Variants in INTS15 observed in about 807,000 individuals in gnomAD.
INTS15 encodes integrator complex subunit 15, also known as uncharacterized protein C7orf26.
chr7:6,599,952 T>C, the INTS15 span: 2 of 1,614,108 alleles, frequency 1.2e-6, no homozygotes, highest in African/African-American at 2.7e-5. Context: ...ATAGGATTCT[T>C]AGAGCTCACC....
At chr7:6,591,684 C>G in the INTS15 span, 13 of 1,614,178 alleles carry the variant, frequency 8.1e-6, no homozygotes, top group Non-Finnish European at 1.1e-5. Flanking sequence ...TTCTTGAAAT[C>G]ATGTGCAATT....
At chr7:6,606,549 CAGCCGG>C in the INTS15 span, among the ~76,000 whole-genome samples, 4 of 152,250 alleles carry the variant, frequency 2.6e-5, no homozygotes, top group East Asian at 7.7e-4. Context: ...ACACAGGACC[CAGCCGG>C]AGCAAGATCC....
chr7:6,601,649 CTTT>C, the INTS15 span, among the ~76,000 whole-genome samples: 1 of 145,348 alleles, frequency 6.9e-6, no homozygotes, highest in African/African-American at 2.5e-5. Flanking sequence ...TCAGATTCTT[CTTT>C]TTTCTTTCTT....
At chr7:6,598,426 G>A in the INTS15 span, among the ~76,000 whole-genome samples, 3 of 140,962 alleles carry the variant, frequency 2.1e-5, no homozygotes, top group Admixed American at 7.7e-5. Flanking sequence ...CTGAGATCAC[G>A]CCACTGCACT....
At chr7:6,590,458 C>G in the INTS15 span, 1 of 1,591,926 alleles carries the variant, frequency 6.3e-7, no homozygotes, top group East Asian at 2.3e-5. Flanking sequence ...GCCCAAGGAG[C>G]GCAGCGCGCA....
chr7:6,593,602 G>A, the INTS15 span, among the ~76,000 whole-genome samples: 15 of 151,246 alleles, frequency 9.9e-5, no homozygotes, highest in African/African-American at 3.6e-4. Context: ...CCAAAATGCT[G>A]GGATTACAGG....
At chr7:6,599,678 A>C in the INTS15 span, 1 of 728,218 alleles carries the variant, frequency 1.4e-6, no homozygotes, top group Non-Finnish European at 2.3e-6. Context: ...TGTTCTAGGA[A>C]AGGGGACAGA....
At chr7:6,600,333 C>T in the INTS15 span, 5 of 1,613,318 alleles carry the variant, frequency 3.1e-6, no homozygotes, top group East Asian at 2.2e-5. Context: ...GCCATGGCCT[C>T]AGGAGCTCTG....
chr7:6,595,321 T>C, the INTS15 span, among the ~76,000 whole-genome samples: 6 of 152,226 alleles, frequency 3.9e-5, no homozygotes, highest in Admixed American at 3.9e-4. Flanking sequence ...CAACACCATG[T>C]CTGGCTGATT....
At chr7:6,608,308 G>A in the INTS15 span, 2 of 1,439,170 alleles carry the variant, frequency 1.4e-6, no homozygotes, top group Non-Finnish European at 1.8e-6. Flanking sequence ...CGGAGTCCAG[G>A]TGCTTCCCAC....
chr7:6,590,135 C>A, the INTS15 span: 1 of 594,794 alleles, frequency 1.7e-6, no homozygotes. Flanking sequence ...CCTGAGCAGG[C>A]AGGGAGCAGG....
chr7:6,594,001 CTTT>C, the INTS15 span, among the ~76,000 whole-genome samples: 3 of 68,944 alleles, frequency 4.4e-5, no homozygotes, highest in South Asian at 5.6e-4. Flanking sequence ...AAGCCTTTAA[CTTT>C]TTTTTTTTTT....
chr7:6,592,729 C>G, the INTS15 span, among the ~76,000 whole-genome samples: 2 of 151,688 alleles, frequency 1.3e-5, no homozygotes, highest in East Asian at 3.9e-4. Flanking sequence ...CTACCTCAGC[C>G]CTCCAAGTAG....
the INTS15 span, among the ~76,000 whole-genome samples, chr7:6,596,166 C>T: frequency 6.6e-6 from 1 of 151,806 alleles, no homozygotes; most frequent in African/African-American, 2.4e-5. Context: ...ATTCTCGTGC[C>T]TCAGCCTCCT....
chr7:6,607,206 C>G, the INTS15 span, among the ~76,000 whole-genome samples: 2 of 152,058 alleles, frequency 1.3e-5, no homozygotes, highest in African/African-American at 4.8e-5. This position sits in a 1 kb window ranked among gnomAD's most constrained non-coding sequence, Gnocchi z 6.0. Context: ...AGGGACCCAG[C>G]GTTGGAAAGC....
chr7:6,607,934 GC>G, the INTS15 span: 1 of 1,597,356 alleles, frequency 6.3e-7, no homozygotes, highest in Non-Finnish European at 8.5e-7. The surrounding 1 kb of genome is among the most constrained non-coding windows in gnomAD (Gnocchi z 6.0). Context: ...GCCCGCCCGC[GC>G]TGACGCTTAT....
chr7:6,603,134 C>T, the INTS15 span, among the ~76,000 whole-genome samples: 3 of 151,638 alleles, frequency 2.0e-5, no homozygotes, highest in African/African-American at 2.4e-5. Context: ...CCTGTAATCC[C>T]GGCTACTCGG....
the INTS15 span, among the ~76,000 whole-genome samples, chr7:6,605,669 CA>C: frequency 6.6e-6 from 1 of 152,036 alleles, no homozygotes; most frequent in Non-Finnish European, 1.5e-5. Flanking sequence ...TGGGGAAGGA[CA>C]GGGGGTCGCC....
the INTS15 span, chr7:6,599,889 C>G: frequency 1.2e-5 from 19 of 1,614,072 alleles, no homozygotes; most frequent in Non-Finnish European, 1.5e-5. Flanking sequence ...TTTGAGGACC[C>G]AAGGTTGATT....
Sources: gnomAD v4.1 joint callset for allele counts (sites outside exome capture counted in the v4.1 genomes callset) on GRCh38, gnomAD v4.1.1 for gene constraint, Gnocchi (gnomAD v3.1) non-coding constraint, MANE v1.5 for transcripts, NCBI Gene and HGNC (gene_info 2026-07-23, HGNC 2026-07-21) for gene names.